Variants in PCDHA3 observed in about 807,000 individuals in gnomAD.
The protein encoded by PCDHA3 is protocadherin alpha-3.
Under a neutral mutation model 62.2 loss-of-function variants are expected in PCDHA3, and 41 were observed. The observed-to-expected ratio is 0.66, with a 90% CI of 0.51 to 0.86. PCDHA3 has a LOEUF of 0.86. Ranked by LOEUF, PCDHA3 falls within the 40% of genes least tolerant of loss-of-function variation. PCDHA3 has a pLI of 0.00. For synonymous variants in PCDHA3, 640 were observed against 555.4 expected, an observed-to-expected ratio of 1.15 and a Z score of -2.14; for missense variants, 1,304 against 1,241.2, an observed-to-expected ratio of 1.05 and a Z score of -0.76.
intron 1 of PCDHA3, chr5:140,929,943 A>C (rs996777609): frequency 1.3e-5 from 2 of 152,224 alleles, no homozygotes; most frequent in African/African-American, 4.8e-5. Flanking sequence ...TCTCTAGCCT[A>C]TACTTTTAAT....
chr5:140,945,275 A>G (rs1205952276), intron 1 of PCDHA3, among the ~76,000 whole-genome samples: 2 of 152,186 alleles, frequency 1.3e-5, no homozygotes, highest in Non-Finnish European at 2.9e-5. Context: ...TGAAAACTTT[A>G]AAACATTGAT....
At chr5:140,824,610 G>GTTTTTTTTTTTTGT (rs1768201083) in intron 1 of PCDHA3, 1 of 95,104 alleles carries the variant, frequency 1.1e-5, no homozygotes, top group African/African-American at 4.9e-5. Context: ...GCTAATTAAA[G>GTTTTTTTTTTTTGT]TTTTTTTTTT....
At chr5:140,904,932 T>C in intron 1 of PCDHA3, among the ~76,000 whole-genome samples, 1 of 152,250 alleles carries the variant, frequency 6.6e-6, no homozygotes, top group African/African-American at 2.4e-5. Context: ...TTGTAGGTTC[T>C]GGATATTAGT....
Position 140,801,731 on chromosome 5 carries a change from T to G in PCDHA3, c.534T>G (p.Phe178Leu). ...ACAGTCTTGATTCCACTGAATATTT[T>G]ACCTTGGACGTTAAAAGAAATGATG... ...LTYSLDSTEY[F>L]TLDVKRNDEE... Residue 178 changes from phenylalanine (F) to leucine (L), a missense_variant, in exon 1 of 4, where the codon TTT becomes TTG. Coordinates refer to ENST00000522353, the MANE Select transcript of PCDHA3 (RefSeq NM_018906.3). 3.1e-6 allele frequency: 5 copies of G among 1,614,130 alleles called. No homozygotes were observed. The highest frequency in any genetic ancestry group is 4.2e-6 in the Non-Finnish European group (5 of 1,180,014).
At chr5:141,003,832 G>C (rs1261830894) in intron 3 of PCDHA3, among the ~76,000 whole-genome samples, 1 of 152,102 alleles carries the variant, frequency 6.6e-6, no homozygotes, top group Non-Finnish European at 1.5e-5. Flanking sequence ...TCTGCCTAAC[G>C]ATTCAGACCC....
At chr5:140,807,148 G>A (rs1554123753) in intron 1 of PCDHA3, 1 of 1,578,228 alleles carries the variant, frequency 6.3e-7, no homozygotes, top group East Asian at 2.2e-5. Context: ...TTGACTTTGA[G>A]AAACGATATT....
At chr5:140,805,032 G>C (rs781952381) in intron 1 of PCDHA3, 14 of 1,582,658 alleles carry the variant, frequency 8.8e-6, no homozygotes, top group Non-Finnish European at 8.5e-6. Flanking sequence ...GAATATAATA[G>C]AGTCAGCCAA....
chr5:141,001,478 A>G, intron 3 of PCDHA3, among the ~76,000 whole-genome samples: 1 of 152,236 alleles, frequency 6.6e-6, no homozygotes, highest in Non-Finnish European at 1.5e-5. Context: ...GCAGCGGGGA[A>G]GTGCTGGAAA....
Position 140,841,177 on chromosome 5 carries a change from T to C in PCDHA3, c.2394+37586T>C, listed in dbSNP as rs1485843958. 5 of 1,089,016 alleles carry C rather than the reference T, an allele frequency of 4.6e-6. No homozygotes were observed. The East Asian group carries it at 7.7e-5, about 17-fold the overall frequency. 67.5% of individuals were successfully genotyped at this position (1,089,016 alleles called of 1,614,324 possible). ...CTACCAAGAAGTTCTGGTTGGTCAA[T>C]GTTCAAAGTCTTTTCTCTGACAGCA... On this transcript the variant is annotated intron_variant, in intron 1 of 3. Coordinates refer to ENST00000522353, the MANE Select transcript of PCDHA3 (RefSeq NM_018906.3).
intron 1 of PCDHA3, chr5:140,928,695 C>T (rs782305388): frequency 9.3e-6 from 15 of 1,614,058 alleles, no homozygotes; most frequent in Non-Finnish European, 1.3e-5. Context: ...ACCACATCTC[C>T]CGGGCGTCTG....
intron 1 of PCDHA3, chr5:140,967,256 G>T: frequency 6.2e-7 from 1 of 1,613,524 alleles, no homozygotes; most frequent in Non-Finnish European, 8.5e-7. Flanking sequence ...GGTGGCGCCT[G>T]GAGCGCGCTT....
At chr5:140,928,076 A>G (rs2084914697) in intron 1 of PCDHA3, 1 of 1,614,142 alleles carries the variant, frequency 6.2e-7, no homozygotes. Context: ...GACAACTACT[A>G]CAGCCTGCTG....
intron 1 of PCDHA3, among the ~76,000 whole-genome samples, chr5:140,926,081 T>C (rs2153580512): frequency 6.6e-6 from 1 of 152,334 alleles, no homozygotes; most frequent in Admixed American, 6.5e-5. Flanking sequence ...TCTATTGCCC[T>C]CTTGGCAGCT....
intron 1 of PCDHA3, chr5:140,862,563 C>T: frequency 2.1e-6 from 1 of 476,978 alleles, no homozygotes; most frequent in Non-Finnish European, 4.3e-6. Context: ...CAGTGAACCA[C>T]AATGCCCTGG....
At chr5:140,960,743 G>A (rs1328860955) in intron 1 of PCDHA3, among the ~76,000 whole-genome samples, 3 of 151,482 alleles carry the variant, frequency 2.0e-5, no homozygotes, top group Non-Finnish European at 4.4e-5. Flanking sequence ...TTTAGTCCAT[G>A]GCTAAAATCC....
chr5:140,875,949 T>C (rs1306170767), intron 1 of PCDHA3: 2 of 1,614,096 alleles, frequency 1.2e-6, no homozygotes, highest in African/African-American at 2.7e-5. Context: ...GCGCTTCTGA[T>C]GCGGATATCG....
At position 140,992,156 on chromosome 5, in the gene PCDHA3, A is replaced by G. The variant is rs79603129; in HGVS notation, c.2542+9593A>G. On this transcript the variant is annotated intron_variant, in intron 3 of 3. Coordinates refer to ENST00000522353, the MANE Select transcript of PCDHA3 (RefSeq NM_018906.3). ...TGATGATGCTAACTTTGCTCAATCA[A>G]GAAGTGTGATCCATTTAAATCATGC... Among the ~76,000 whole-genome samples the G allele has an allele frequency of 2.1e-3, 313 of 152,232 alleles. 2 individuals carry two copies. The highest frequency in any genetic ancestry group is 3.8e-3 in the Non-Finnish European group (258 of 67,998).
At chr5:140,830,040 T>A (rs2150180125) in intron 1 of PCDHA3, 1 of 1,613,784 alleles carries the variant, frequency 6.2e-7, no homozygotes, top group South Asian at 1.1e-5. Context: ...CTGCTGGTGC[T>A]GGTGAAAGAC....
intron 1 of PCDHA3, chr5:140,928,747 C>G (rs781895762): frequency 6.2e-7 from 1 of 1,614,132 alleles, no homozygotes; most frequent in Non-Finnish European, 8.5e-7. Context: ...AGGTGAGCTC[C>G]GTACTGCTCG....
Sources: gnomAD v4.1 joint callset for allele counts (sites outside exome capture counted in the v4.1 genomes callset) on GRCh38, gnomAD v4.1.1 for gene constraint, MANE v1.5 for transcripts, NCBI Gene and HGNC (gene_info 2026-07-23, HGNC 2026-07-21) for gene names.